Variants in CNOT1 observed in about 807,000 individuals in gnomAD.
CNOT1 encodes the protein CCR4-NOT transcription complex subunit 1.
CNOT1 carries 15 observed loss-of-function variants against 273.8 expected under a neutral mutation model. The observed-to-expected ratio is 0.05, with a 90% CI of 0.04 to 0.08. The LOEUF (loss-of-function observed/expected upper bound fraction) is 0.08. Among genes scored for constraint, CNOT1 ranks in the 10% least tolerant of loss-of-function variants. The probability of loss-of-function intolerance (pLI) is 1.00; values close to 1 mark genes in which losing one functional copy is unlikely to be tolerated. For synonymous variants in CNOT1, 1,022 were observed against 1,005.5 expected (o/e 1.02, Z -0.31); for missense variants, 1,644 against 2,912.2 (o/e 0.56, Z 10.02).
chr16:58,579,086 T>C (rs892567236), intron 12 of CNOT1, 147 bp from the exon 13 acceptor site: 45 of 1,418,636 alleles, frequency 3.2e-5, no homozygotes, highest in Non-Finnish European at 3.6e-5. Flanking sequence ...AGCACTCTCT[T>C]TAAGAATTAT....
chr16:58,602,910 TC>T (rs1179441409), intron 1 of CNOT1, among the ~76,000 whole-genome samples: 2 of 151,966 alleles, frequency 1.3e-5, no homozygotes, highest in Non-Finnish European at 1.5e-5. Flanking sequence ...CTCCTTGTCT[TC>T]CCCCCACTTA....
chr16:58,596,744 C>T (rs570571667), intron 2 of CNOT1, among the ~76,000 whole-genome samples: 19 of 151,790 alleles, frequency 1.3e-4, no homozygotes, highest in South Asian at 2.1e-4. Context: ...AAAAATTAGC[C>T]GGGTGTGGTG....
At chr16:58,580,908 C>T (rs1460839858) in intron 11 of CNOT1, 148 bp from the exon 12 acceptor site, 1 of 800,722 alleles carries the variant, frequency 1.2e-6, no homozygotes, top group Non-Finnish European at 1.9e-6. Context: ...TTGAAAACCA[C>T]ACATAATTCA....
intron 2 of CNOT1, among the ~76,000 whole-genome samples, chr16:58,596,150 A>C (rs1251397937): frequency 6.6e-6 from 1 of 152,200 alleles, no homozygotes; most frequent in Non-Finnish European, 1.5e-5. Flanking sequence ...TGAAGGGAAA[A>C]GTAAAGCTGT....
At chr16:58,571,106 CAAAACAAAACAA>C (rs952114895) in intron 16 of CNOT1, among the ~76,000 whole-genome samples, 37 of 151,914 alleles carry the variant, frequency 2.4e-4, no homozygotes, top group African/African-American at 7.5e-4. Context: ...AAAAACAAAA[CAAAACAAAACAA>C]AAAACAAAAC....
intron 1 of CNOT1, among the ~76,000 whole-genome samples, chr16:58,611,670 A>AATT (rs940398706): frequency 2.6e-5 from 4 of 151,280 alleles, no homozygotes; most frequent in African/African-American, 7.3e-5. Context: ...AAAATACAAA[A>AATT]ATTAGCTGGG....
intron 2 of CNOT1, among the ~76,000 whole-genome samples, chr16:58,590,028 A>C (rs2042001132): frequency 6.6e-6 from 1 of 152,188 alleles, no homozygotes; most frequent in African/African-American, 2.4e-5. Flanking sequence ...ACTACCTGCT[A>C]ATTTGTTTAT....
chr16:58,610,967 G>A (rs1015100669), intron 1 of CNOT1, among the ~76,000 whole-genome samples: 2 of 152,064 alleles, frequency 1.3e-5, no homozygotes, highest in Admixed American at 6.6e-5. Flanking sequence ...AACCCAGGAG[G>A]TGGAGGTTGC....
Position 58,521,153 on chromosome 16 carries a change from C to A in CNOT1, c.7052+30G>T, listed in dbSNP as rs536345034. 27 of 1,613,184 alleles carry A rather than the reference C, an allele frequency of 1.7e-5. No homozygotes were observed. In the Admixed American group the frequency reaches 4.5e-4, roughly 27 times the overall value. On this transcript the variant is annotated intron_variant, in intron 48 of 48. Coordinates refer to ENST00000317147, the MANE Select transcript of CNOT1 (RefSeq NM_016284.5). ...TGGTTTTCAGTCTCCAGTCTCATTC[C>A]TAGACAATTAAAAATTACTTTGAAC...
chr16:58,557,032 T>C (rs780430581), intron 18 of CNOT1, 39 bp from the exon 19 acceptor site: 1 of 1,601,524 alleles, frequency 6.2e-7, no homozygotes, highest in South Asian at 1.1e-5. Flanking sequence ...CTATCATTAT[T>C]CATATTCTTG....
Position 58,583,052 on chromosome 16 carries a change from A to T in CNOT1, c.933+4T>A, listed in dbSNP as rs772842207. ...ACTTGGTAAAATAGCTGAATTCAAC[A>T]CACCTGTAATGGAATGCCATCTGTT... On this transcript the variant is annotated splice_donor_region_variant and intron_variant, in intron 9 of 48. Transcript: ENST00000317147. The T allele has an allele frequency of 6.2e-7, 1 of 1,613,924 alleles. No individual in the cohort carries two copies. The highest frequency in any genetic ancestry group is 8.5e-7 in the Non-Finnish European group (1 of 1,179,982).
intron 1 of CNOT1, among the ~76,000 whole-genome samples, chr16:58,628,698 G>C (rs1271842500): frequency 6.6e-6 from 1 of 151,890 alleles, no homozygotes; most frequent in East Asian, 1.9e-4. Context: ...GAAGAAAACA[G>C]ACTTTATTAG....
At chr16:58,586,244 C>T (rs13333754) in intron 7 of CNOT1, among the ~76,000 whole-genome samples, 127 of 11,126 alleles carry the variant, frequency 0.011, 6 homozygotes, top group Middle Eastern at 0.067. Flanking sequence ...GAGAAAGAGG[C>T]GGAGGGGAGG....
chr16:58,522,644 G>A (rs2039444522), intron 47 of CNOT1, among the ~76,000 whole-genome samples: 1 of 152,268 alleles, frequency 6.6e-6, no homozygotes, highest in African/African-American at 2.4e-5. Flanking sequence ...TTAGGAAAAT[G>A]CAAGTATGAT....
intron 17 of CNOT1, 108 bp from the exon 18 acceptor site, chr16:58,558,782 T>A (rs2040727407): frequency 7.1e-7 from 1 of 1,405,972 alleles, no homozygotes; most frequent in Non-Finnish European, 9.6e-7. Context: ...AGCAAACTAT[T>A]ACACCCACTC....
rs2151964993 is a variant in CNOT1, at chr16:58,574,691, G to C, written c.1897C>G (p.Pro633Ala). 1.9e-6 allele frequency: 3 copies of C among 1,609,488 alleles called. No individual in the cohort carries two copies. The East Asian group carries it at 6.7e-5, about 36-fold the overall frequency. Reference sequence around the variant, plus strand: ...GCACTTTTGGGCTGGTCTTTTTCTGGGGCAAGTCCGCCCAAAATAGAAGGA... The same window carrying C: ...GCACTTTTGGGCTGGTCTTTTTCTGCGGCAAGTCCGCCCAAAATAGAAGGA... ...RCPSILGGLA[P>A]EKDQPKSAQL... Residue 633 changes from proline to alanine, a missense_variant, in exon 16 of 49, where the codon CCA becomes GCA. Coordinates refer to ENST00000317147, the MANE Select transcript of CNOT1 (RefSeq NM_016284.5).
intron 42 of CNOT1, among the ~76,000 whole-genome samples, chr16:58,531,191 T>G (rs149812283): frequency 6.6e-6 from 1 of 152,210 alleles, no homozygotes; most frequent in Non-Finnish European, 1.5e-5. Flanking sequence ...ATTTAATATG[T>G]TGTGTTCCTT....
At chr16:58,598,981 G>A (rs2042367659) in intron 2 of CNOT1, 2 of 316,110 alleles carry the variant, frequency 6.3e-6, no homozygotes, top group Non-Finnish European at 1.2e-5. Flanking sequence ...AAACCAGGAG[G>A]CAGAGGATGC....
intron 2 of CNOT1, among the ~76,000 whole-genome samples, chr16:58,592,056 G>A (rs1056717454): frequency 2.0e-5 from 3 of 151,742 alleles, no homozygotes; most frequent in Middle Eastern, 3.4e-3. Context: ...CATATATTAA[G>A]ATTTTGCTAC....
Sources: allele counts gnomAD v4.1 joint callset (sites outside exome capture counted in the v4.1 genomes callset), GRCh38; gene constraint gnomAD v4.1.1; transcripts MANE v1.5; gene names NCBI Gene and HGNC (gene_info 2026-07-23, HGNC 2026-07-21).